The following CTIF variants were observed in gnomAD, a reference collection of about 807,000 sequenced individuals.
CTIF encodes the protein CBP80/20-dependent translation initiation factor.
A neutral mutation model predicts 66.0 loss-of-function variants in CTIF; 21 were observed. The observed-to-expected ratio is 0.32, with a 90% confidence interval of 0.23 to 0.46. The LOEUF (loss-of-function observed/expected upper bound fraction) is 0.46, where lower values mean the gene tolerates loss of function less well. CTIF is among the 20% of genes least tolerant of loss of function. The pLI is 1.00. For synonymous variants in CTIF, 345 were observed against 326.4 expected (o/e 1.06, Z -0.62); for missense variants, 739 against 812.7 (o/e 0.91, Z 1.10).
intron 3 of CTIF, among the ~76,000 whole-genome samples, chr18:48,642,116 T>C (rs546525124): frequency 8.5e-5 from 13 of 152,268 alleles, no homozygotes; most frequent in Non-Finnish European, 1.8e-4. Context: ...ATGTTCATAG[T>C]GCTGCTCTCT....
Position 48,750,379 on chromosome 18 carries a change from A to G in CTIF, c.585-7540A>G, listed in dbSNP as rs937526478. Reference sequence around the variant, plus strand: ...GGTCCGCAGTTGAGTGAAGCTCAGAACCCCATAGAGTATCCCCAAGAAAGC... The same window carrying G: ...GGTCCGCAGTTGAGTGAAGCTCAGAGCCCCATAGAGTATCCCCAAGAAAGC... On this transcript the variant is annotated intron_variant, in intron 7 of 11. Transcript: ENST00000256413. 4.6e-5 allele frequency among the ~76,000 whole-genome samples: 7 copies of G among 152,332 alleles called. No homozygotes were observed. In the Middle Eastern group the frequency reaches 0.014, roughly 296 times the overall value.
chr18:48,703,827 A>G (rs2092116233), intron 6 of CTIF, among the ~76,000 whole-genome samples: 1 of 152,166 alleles, frequency 6.6e-6, no homozygotes, highest in Non-Finnish European at 1.5e-5. Flanking sequence ...GTGGCCAGGA[A>G]TACCCCTTTC....
At chr18:48,666,934 G>A (rs2091446580) in intron 5 of CTIF, among the ~76,000 whole-genome samples, 1 of 152,194 alleles carries the variant, frequency 6.6e-6, no homozygotes, top group Non-Finnish European at 1.5e-5. Flanking sequence ...CAAAGGTGAT[G>A]CTTGCCCAGT....
intron 9 of CTIF, among the ~76,000 whole-genome samples, chr18:48,777,152 C>T (rs1292875197): frequency 6.6e-6 from 1 of 152,216 alleles, no homozygotes; most frequent in Non-Finnish European, 1.5e-5. Flanking sequence ...CGGGTCTGGC[C>T]GGCTCCTTCC....
At chr18:48,661,494 TC>T (rs1398899768) in intron 3 of CTIF, among the ~76,000 whole-genome samples, 3 of 151,980 alleles carry the variant, frequency 2.0e-5, no homozygotes, top group Non-Finnish European at 4.4e-5. Context: ...CCGGTCAACA[TC>T]TCGGGAGGCA....
Position 48,645,500 on chromosome 18 carries a change from G to C in CTIF, c.252+8815G>C, listed in dbSNP as rs117588966. Among the ~76,000 whole-genome samples, 54 of 152,266 alleles carry C rather than the reference G, an allele frequency of 3.5e-4. No homozygotes were observed. In the East Asian group the frequency reaches 9.3e-3, roughly 26 times the overall value. On this transcript the variant is annotated intron_variant, in intron 3 of 11. Coordinates refer to ENST00000256413, the MANE Select transcript of CTIF (RefSeq NM_014772.3). ...AAGTGGGAGCTCAGATCCCACCCCTGCTGGGCTATCAGAGGGGCTCCAACC... is the reference window on the plus strand; with the variant it reads ...AAGTGGGAGCTCAGATCCCACCCCTCCTGGGCTATCAGAGGGGCTCCAACC...
intron 9 of CTIF, among the ~76,000 whole-genome samples, chr18:48,787,801 C>G (rs35966426): frequency 1.3e-5 from 2 of 152,088 alleles, no homozygotes; most frequent in African/African-American, 2.4e-5. Context: ...TCTGCCCCTG[C>G]GCCAACTCCT....
intron 3 of CTIF, among the ~76,000 whole-genome samples, chr18:48,651,622 G>GAC (rs1433802069): frequency 2.6e-5 from 4 of 152,190 alleles, no homozygotes; most frequent in African/African-American, 9.6e-5. Context: ...AGACCTAATA[G>GAC]ACATCTACAG....
intron 9 of CTIF, among the ~76,000 whole-genome samples, chr18:48,794,497 C>T (rs994023653): frequency 8.5e-5 from 13 of 152,126 alleles, no homozygotes; most frequent in East Asian, 1.9e-4. Flanking sequence ...TGCTGGGCTA[C>T]GGCTGGTTCT....
At chr18:48,660,839 T>C (rs2091329933) in intron 3 of CTIF, among the ~76,000 whole-genome samples, 1 of 152,234 alleles carries the variant, frequency 6.6e-6, no homozygotes, top group South Asian at 2.1e-4. Context: ...TGAATCACCA[T>C]CTTCCTGGAA....
At chr18:48,801,847 C>T (rs895775808) in intron 9 of CTIF, among the ~76,000 whole-genome samples, 1 of 152,174 alleles carries the variant, frequency 6.6e-6, no homozygotes, top group Non-Finnish European at 1.5e-5. Context: ...AGGCAGAAAC[C>T]GTGGAGAAGA....
Position 48,862,528 on chromosome 18 carries a change from G to A in CTIF, c.*2969G>A, listed in dbSNP as rs1040131105. 1 of 152,736 alleles carries A rather than the reference G, an allele frequency of 6.5e-6. No individual in the cohort carries two copies. Among genetic ancestry groups the A allele is most frequent in the East Asian group, 1.9e-4 (1 of 5,176 alleles). The allele number at this position is 152,736 out of a possible 1,614,324, so 9.5% of individuals were successfully genotyped here. On this transcript the variant is annotated 3_prime_UTR_variant, in exon 12 of 12. Coordinates refer to ENST00000256413, the MANE Select transcript of CTIF (RefSeq NM_014772.3). ...GCCAGGAGCCCCGCCACCCTCCACG[G>A]GATGTGCACCCTCAGACCCCATTCT...
chr18:48,645,755 T>G (rs2144712282), intron 3 of CTIF, among the ~76,000 whole-genome samples: 1 of 152,162 alleles, frequency 6.6e-6, no homozygotes. Flanking sequence ...CCAGCCCCAC[T>G]GCATGTCAGA....
intron 9 of CTIF, among the ~76,000 whole-genome samples, chr18:48,788,265 C>T (rs1911899166): frequency 6.6e-6 from 1 of 152,184 alleles, no homozygotes; most frequent in Non-Finnish European, 1.5e-5. Flanking sequence ...GCCAGTGCGT[C>T]CCAGCTTTGA....
chr18:48,618,737 G>A (rs1340109016), intron 1 of CTIF, among the ~76,000 whole-genome samples: 2 of 152,224 alleles, frequency 1.3e-5, no homozygotes, highest in African/African-American at 4.8e-5. Context: ...CAGTTCTGTT[G>A]GTGGACTTTA....
intron 7 of CTIF, among the ~76,000 whole-genome samples, chr18:48,755,244 G>A (rs180724816): frequency 8.5e-5 from 13 of 152,344 alleles, no homozygotes; most frequent in African/African-American, 2.9e-4. Flanking sequence ...AAAGAGAATG[G>A]AAGGAGCAAT....
At chr18:48,598,100 T>C (rs16949586) in intron 1 of CTIF, among the ~76,000 whole-genome samples, 21,931 of 152,168 alleles carry the variant, frequency 0.14, 2,096 homozygotes, top group African/African-American at 0.28. Context: ...CTCCAGACTC[T>C]GAAACAGTGG....
intron 1 of CTIF, among the ~76,000 whole-genome samples, chr18:48,562,370 A>G (rs1353329178): frequency 6.6e-6 from 1 of 152,242 alleles, no homozygotes; most frequent in Non-Finnish European, 1.5e-5. Flanking sequence ...ATTTGAATTC[A>G]GGAGTCCTGC....
intron 6 of CTIF, among the ~76,000 whole-genome samples, chr18:48,690,519 C>T (rs146121851): frequency 3.7e-4 from 56 of 152,260 alleles, no homozygotes; most frequent in Admixed American, 6.5e-4. Context: ...TATCTTGCAC[C>T]CCATGTAACA....
Sources: gnomAD v4.1 joint callset for allele counts (sites outside exome capture counted in the v4.1 genomes callset) on GRCh38, gnomAD v4.1.1 for gene constraint, MANE v1.5 for transcripts, NCBI Gene and HGNC (gene_info 2026-07-23, HGNC 2026-07-21) for gene names.